SLAMF1: variants seen among roughly 807,000 people sequenced by gnomAD.
SLAMF1 encodes signaling lymphocytic activation molecule.
Under a neutral mutation model 35.1 loss-of-function variants are expected in SLAMF1, and 18 were observed. The observed-to-expected ratio is 0.51, with a 90% CI of 0.35 to 0.76. The LOEUF (loss-of-function observed/expected upper bound fraction) is 0.76. Ranked by LOEUF, SLAMF1 falls within the 30% of genes least tolerant of loss-of-function variation. The pLI, the probability that SLAMF1 is intolerant of heterozygous loss-of-function variation, is 0.01. For synonymous variants in SLAMF1, 168 were observed against 157.2 expected (o/e 1.07, Z -0.51); for missense variants, 392 against 413.0 (o/e 0.95, Z 0.44).
intron 5 of SLAMF1, among the ~76,000 whole-genome samples, chr1:160,618,611 C>T (rs774173792): frequency 6.6e-6 from 1 of 152,186 alleles, no homozygotes; most frequent in Non-Finnish European, 1.5e-5. Flanking sequence ...TGCAGGTCAG[C>T]TCAGACTCAA....
chr1:160,634,346 G>A, intron 3 of SLAMF1: 1 of 967,504 alleles, frequency 1.0e-6, no homozygotes, highest in Non-Finnish European at 1.2e-6. Context: ...AAGAGGCAGA[G>A]AAGGCTACGC....
intron 3 of SLAMF1, among the ~76,000 whole-genome samples, chr1:160,632,186 T>C (rs978934358): frequency 2.0e-5 from 3 of 152,120 alleles, no homozygotes; most frequent in Non-Finnish European, 4.4e-5. Flanking sequence ...AGCAAACTCA[T>C]ACACAGTGGC....
chr1:160,643,326 A>G (rs191510942), intron 1 of SLAMF1, among the ~76,000 whole-genome samples: 319 of 152,198 alleles, frequency 2.1e-3, no homozygotes, highest in African/African-American at 7.4e-3. Context: ...TCCTTCTTGC[A>G]TGCTGCATAA....
chr1:160,612,657 C>T, intron 5 of SLAMF1, 77 bp from the exon 6 acceptor site: 1 of 872,876 alleles, frequency 1.1e-6, no homozygotes, highest in Non-Finnish European at 1.9e-6. Context: ...TAGAGAAGCA[C>T]AGACTCAAGA....
At chr1:160,629,654 C>T (rs934201081) in intron 3 of SLAMF1, among the ~76,000 whole-genome samples, 5 of 152,194 alleles carry the variant, frequency 3.3e-5, no homozygotes, top group African/African-American at 1.2e-4. Flanking sequence ...CACTTACAAC[C>T]TGCCTATCCC....
chr1:160,626,027 T>C (rs1007845821), intron 3 of SLAMF1, among the ~76,000 whole-genome samples: 32 of 152,318 alleles, frequency 2.1e-4, no homozygotes, highest in Admixed American at 7.2e-4. Context: ...ATAGTAGCAC[T>C]TACTATTTTG....
rs189990487 is a variant in SLAMF1 at position 160,623,386 on chromosome 1, C to T, written c.790+710G>A. The T allele has an allele frequency of 7.6e-6, 3 of 394,556 alleles. No individual in the cohort carries two copies. In the Admixed American group the frequency reaches 1.3e-4, roughly 17 times the overall value. The allele number at this position is 394,556 out of a possible 1,614,324, so 24.4% of individuals were successfully genotyped here. On this transcript the variant is annotated intron_variant, in intron 4 of 6. Transcript: ENST00000302035. Reference sequence around the variant, plus strand: ...GATTTTTTTATATATGCAAAACCAACATCAGAGTGCTGAGGTAAGGGCTTT... The same window carrying T: ...GATTTTTTTATATATGCAAAACCAATATCAGAGTGCTGAGGTAAGGGCTTT...
chr1:160,610,519 T>C lies in SLAMF1; in HGVS notation c.*229A>G, dbSNP rs1158604360. 1.7e-6 allele frequency: 1 copy of C among 574,104 alleles called. No homozygotes were observed. The highest frequency in any genetic ancestry group is 3.2e-6 in the Non-Finnish European group (1 of 313,226). The allele number at this position is 574,104 out of a possible 1,614,324, so 35.6% of individuals were successfully genotyped here. ...ATGGAACGCTGTTATCAAGTAACGC[T>C]CTGTTCTGCGCCTGCAGCCACTGCA... On this transcript the variant is annotated 3_prime_UTR_variant, in exon 7 of 7. Transcript: ENST00000302035.
rs1390920752 is a variant in SLAMF1 at position 160,612,723 on chromosome 1, G to A, written c.865-143C>T. 13 of 584,314 alleles carry A rather than the reference G, an allele frequency of 2.2e-5. No homozygotes were observed. The East Asian group carries it at 3.8e-4, about 17-fold the overall frequency. 36.2% of individuals were successfully genotyped at this position (584,314 alleles called of 1,614,324 possible). On this transcript the variant is annotated intron_variant, in intron 5 of 6. Coordinates refer to ENST00000302035, the MANE Select transcript of SLAMF1 (RefSeq NM_003037.5). The stretch of plus-strand genomic sequence containing the variant: ...TTTGGTCCAACCTCCTTCTCAGGTG[G>A]GAATTCTCCCCCAAATTCTCTGGAA...
chr1:160,615,361 C>CCTT (rs1659239289), intron 5 of SLAMF1, among the ~76,000 whole-genome samples: 1 of 151,832 alleles, frequency 6.6e-6, no homozygotes, highest in African/African-American at 2.4e-5. Context: ...GGGAAGTAAA[C>CCTT]CTTAGACTTT....
At chr1:160,629,210 A>G (rs1202709647) in intron 3 of SLAMF1, among the ~76,000 whole-genome samples, 1 of 152,142 alleles carries the variant, frequency 6.6e-6, no homozygotes, top group Non-Finnish European at 1.5e-5. Flanking sequence ...TTTAAACGTG[A>G]TAACTTGGCA....
intron 1 of SLAMF1, among the ~76,000 whole-genome samples, chr1:160,638,858 T>C (rs1010431327): frequency 3.3e-5 from 5 of 152,218 alleles, no homozygotes; most frequent in African/African-American, 1.2e-4. Flanking sequence ...GTTTTTCTCC[T>C]ATCCTATATA....
chr1:160,626,754 T>G (rs1205700859), intron 3 of SLAMF1, among the ~76,000 whole-genome samples: 1 of 152,152 alleles, frequency 6.6e-6, no homozygotes, highest in Non-Finnish European at 1.5e-5. Context: ...AAAGCCCTTT[T>G]GACTCAAACC....
chr1:160,624,945 T>TG (rs1260719925), intron 3 of SLAMF1, among the ~76,000 whole-genome samples: 1 of 152,174 alleles, frequency 6.6e-6, no homozygotes, highest in Non-Finnish European at 1.5e-5. Flanking sequence ...AATGAACAAT[T>TG]ATTGAGCACT....
chr1:160,638,076 C>G (rs1180008149), intron 1 of SLAMF1, among the ~76,000 whole-genome samples: 1 of 152,066 alleles, frequency 6.6e-6, no homozygotes, highest in Non-Finnish European at 1.5e-5. Flanking sequence ...TCTCCAAACA[C>G]CCTGAGATAG....
At chr1:160,634,412 TGTGAACTGA>T in intron 3 of SLAMF1, 192 bp downstream of exon 3, 1 of 984,418 alleles carries the variant, frequency 1.0e-6, no homozygotes, top group Non-Finnish European at 1.2e-6. Flanking sequence ...TTTCGTCAAC[TGTGAACTGA>T]GCATAAAAAT....
chr1:160,624,305 C>T (rs576118305), intron 3 of SLAMF1, 120 bp from the exon 4 acceptor site: 30 of 746,916 alleles, frequency 4.0e-5, no homozygotes, highest in South Asian at 1.8e-4. Flanking sequence ...CCAAGGGAGA[C>T]GTTTGTTTTC....
At chr1:160,623,517 C>T (rs764961641) in intron 4 of SLAMF1, 37 of 398,488 alleles carry the variant, frequency 9.3e-5, no homozygotes, top group Non-Finnish European at 1.3e-4. Context: ...GGAAGGCAGC[C>T]GGGGCATCTC....
At chr1:160,632,988 C>A (rs1660241038) in intron 3 of SLAMF1, among the ~76,000 whole-genome samples, 2 of 152,114 alleles carry the variant, frequency 1.3e-5, no homozygotes, top group South Asian at 4.1e-4. Flanking sequence ...TGAGGATTAA[C>A]TGAGATGCCA....
Sources: allele counts gnomAD v4.1 joint callset (sites outside exome capture counted in the v4.1 genomes callset), GRCh38; gene constraint gnomAD v4.1.1; transcripts MANE v1.5; gene names NCBI Gene and HGNC (gene_info 2026-07-23, HGNC 2026-07-21).